FAT3: variants seen among roughly 807,000 people sequenced by gnomAD.
The protein encoded by FAT3 is protocadherin Fat 3.
In FAT3, 95 loss-of-function variants were observed where a neutral mutation model predicts 310.2. That is an observed-to-expected ratio of 0.31 (90% CI 0.26 to 0.36). The LOEUF is 0.36. Ranked by LOEUF, FAT3 falls within the 10% of genes least tolerant of loss-of-function variation. The pLI is 1.00. For missense variants in FAT3, 5,408 were observed against 5,715.6 expected (o/e 0.95, Z 1.74); for synonymous variants, 2,314 against 2,192.9 (o/e 1.06, Z -1.54).
At chr11:92,611,717 C>T (rs1641253755) in intron 3 of FAT3, among the ~76,000 whole-genome samples, 1 of 152,116 alleles carries the variant, frequency 6.6e-6, no homozygotes, top group African/African-American at 2.4e-5. Flanking sequence ...TCTTGATATA[C>T]TCCAGTGGTA....
chr11:92,379,356 A>G (rs1326622427), intron 2 of FAT3, among the ~76,000 whole-genome samples: 3 of 152,194 alleles, frequency 2.0e-5, no homozygotes, highest in African/African-American at 7.2e-5. Context: ...TTGCCAAGCC[A>G]TAGCTTTGTT....
intron 2 of FAT3, among the ~76,000 whole-genome samples, chr11:92,357,998 T>TAC (rs1437744942): frequency 8.1e-4 from 98 of 120,342 alleles, no homozygotes; most frequent in African/African-American, 3.2e-3. Context: ...GTGGAATTCC[T>TAC]AAAAAAAAAA....
At chr11:92,285,198 G>A (rs116331961) in intron 1 of FAT3, among the ~76,000 whole-genome samples, 6 of 152,246 alleles carry the variant, frequency 3.9e-5, no homozygotes, top group African/African-American at 1.2e-4. Flanking sequence ...AGGGAGGAAT[G>A]AGAGTGCAGA....
chr11:92,341,368 T>C (rs1246385707), intron 1 of FAT3, among the ~76,000 whole-genome samples: 1 of 152,096 alleles, frequency 6.6e-6, no homozygotes, highest in African/African-American at 2.4e-5. Flanking sequence ...TCCCCTGTGG[T>C]CATTGAAGGG....
chr11:92,233,359 C>G (rs933264060), intron 1 of FAT3, among the ~76,000 whole-genome samples: 3 of 152,178 alleles, frequency 2.0e-5, no homozygotes, highest in African/African-American at 7.2e-5. Context: ...GCAGATCATT[C>G]ACAGTCTGGT....
rs556602692 is a variant in FAT3, at chr11:92,690,911, A to G, written c.3608-6473A>G. On this transcript the variant is annotated intron_variant, in intron 3 of 27. Coordinates refer to ENST00000525166, the MANE Select transcript of FAT3 (RefSeq NM_001367949.2). ...AATAACCAGTGTGTGTATTTTCCCTATTTAAAAGCACGTACTTAACTGATA... is the reference window on the plus strand; with the variant it reads ...AATAACCAGTGTGTGTATTTTCCCTGTTTAAAAGCACGTACTTAACTGATA... 7.2e-4 allele frequency among the ~76,000 whole-genome samples: 110 copies of G among 152,324 alleles called. 1 individual carries two copies. Among genetic ancestry groups the G allele is most frequent in the Non-Finnish European group, 9.4e-4 (64 of 68,028 alleles).
chr11:92,403,801 A>G (rs1950076073), intron 2 of FAT3, among the ~76,000 whole-genome samples: 2 of 152,072 alleles, frequency 1.3e-5, no homozygotes, highest in Non-Finnish European at 1.5e-5. Flanking sequence ...CTTTGGGAGG[A>G]CAAGGTGGGA....
intron 2 of FAT3, among the ~76,000 whole-genome samples, chr11:92,402,085 T>C (rs1950026956): frequency 6.6e-6 from 1 of 152,148 alleles, no homozygotes. Flanking sequence ...AAGGTTCTAA[T>C]GGAAAAAGTA....
intron 3 of FAT3, among the ~76,000 whole-genome samples, chr11:92,628,561 T>C (rs1362649860): frequency 6.6e-6 from 1 of 152,220 alleles, no homozygotes; most frequent in African/African-American, 2.4e-5. Flanking sequence ...GGTTGAATGG[T>C]CTTTAAATTG....
At chr11:92,704,931 G>A (rs1591628401) in intron 4 of FAT3, among the ~76,000 whole-genome samples, 1 of 152,144 alleles carries the variant, frequency 6.6e-6, no homozygotes, top group Non-Finnish European at 1.5e-5. Context: ...AAAAACCTCT[G>A]TCTAAATTTG....
At chr11:92,664,268 C>T (rs570065093) in intron 3 of FAT3, among the ~76,000 whole-genome samples, 8 of 152,178 alleles carry the variant, frequency 5.3e-5, no homozygotes, top group African/African-American at 9.7e-5. Flanking sequence ...TTTAGCATTA[C>T]TAATCTATTG....
intron 2 of FAT3, among the ~76,000 whole-genome samples, chr11:92,521,833 A>G (rs937977589): frequency 6.6e-6 from 1 of 152,070 alleles, no homozygotes; most frequent in African/African-American, 2.4e-5. Flanking sequence ...AGTAAATGCT[A>G]TTTCCCCTGC....
intron 13 of FAT3, among the ~76,000 whole-genome samples, chr11:92,828,702 G>A (rs772416976): frequency 7.2e-5 from 11 of 152,102 alleles, no homozygotes; most frequent in African/African-American, 9.7e-5. Context: ...GAATCTGCCC[G>A]GAGGGGAGCC....
Position 92,354,130 on chromosome 11 carries a change from A to T in FAT3, c.2018A>T (p.His673Leu), listed in dbSNP as rs1294464224. Residue 673 changes from histidine to leucine, a missense_variant, in exon 2 of 28, where the codon CAT becomes CTT. Coordinates refer to ENST00000525166, the MANE Select transcript of FAT3 (RefSeq NM_001367949.2). ...ATGTCTATTAACATTTCAGTCCTAC[A>T]TGGGAAAGTGTCTTCAAAGAGCTTC... is the stretch of plus-strand genomic sequence containing the variant. ...DPMSINISVL[H>L]GKVSSKSFSC... 3.7e-6 allele frequency: 6 copies of T among 1,613,756 alleles called. No homozygotes were observed. The highest frequency in any genetic ancestry group is 5.1e-6 in the Non-Finnish European group (6 of 1,179,866).
chr11:92,611,171 G>C (rs1447889650), intron 3 of FAT3, among the ~76,000 whole-genome samples: 2 of 151,906 alleles, frequency 1.3e-5, no homozygotes, highest in African/African-American at 4.8e-5. Flanking sequence ...TGTCACCCAG[G>C]CTGGAGTGCA....
At chr11:92,615,959 T>C (rs1295920883) in intron 3 of FAT3, among the ~76,000 whole-genome samples, 6 of 152,206 alleles carry the variant, frequency 3.9e-5, no homozygotes, top group Non-Finnish European at 7.3e-5. Context: ...TTCTGTTGAT[T>C]TGGGGTGGAG....
intron 3 of FAT3, among the ~76,000 whole-genome samples, chr11:92,633,168 A>G (rs1038295716): frequency 6.6e-6 from 1 of 152,242 alleles, no homozygotes; most frequent in Non-Finnish European, 1.5e-5. Flanking sequence ...TGGCTTTGCA[A>G]ACAAAAGGAA....
At chr11:92,722,278 C>A (rs1016420336) in intron 4 of FAT3, among the ~76,000 whole-genome samples, 3 of 152,084 alleles carry the variant, frequency 2.0e-5, no homozygotes, top group African/African-American at 7.2e-5. Flanking sequence ...GGTTACAGGC[C>A]CCCTGCAAGT....
chr11:92,849,974 C>T (rs1006625769), intron 19 of FAT3, among the ~76,000 whole-genome samples: 5 of 152,142 alleles, frequency 3.3e-5, no homozygotes, highest in Admixed American at 2.6e-4. Flanking sequence ...GTAAAGCAGG[C>T]CTGCTGACAG....
Sources: allele counts gnomAD v4.1 joint callset (sites outside exome capture counted in the v4.1 genomes callset), GRCh38; gene constraint gnomAD v4.1.1; transcripts MANE v1.5; gene names NCBI Gene and HGNC (gene_info 2026-07-23, HGNC 2026-07-21).